COL11A1: variants seen among roughly 807,000 people sequenced by gnomAD.
COL11A1 encodes collagen type XI alpha 1 chain, also known as collagen alpha-1(XI) chain.
Under a neutral mutation model 265.2 loss-of-function variants are expected in COL11A1, and 74 were observed. That is an observed-to-expected ratio of 0.28 (90% CI 0.23 to 0.34). COL11A1 has a LOEUF of 0.34. Ranked by LOEUF, COL11A1 falls within the 10% of genes least tolerant of loss-of-function variation. The pLI, the probability that COL11A1 is intolerant of heterozygous loss-of-function variation, is 1.00. For synonymous variants in COL11A1, 816 were observed against 727.6 expected (o/e 1.12, Z -1.96); for missense variants, 2,165 against 2,263.6 (o/e 0.96, Z 0.88).
intron 4 of COL11A1, among the ~76,000 whole-genome samples, chr1:103,032,968 T>C (rs1467783632): frequency 6.6e-6 from 1 of 152,152 alleles, no homozygotes; most frequent in Non-Finnish European, 1.5e-5. Context: ...CCATCACTAC[T>C]AATTGCAGAA....
chr1:103,090,067 C>T lies in COL11A1; in HGVS notation c.107-7095G>A, dbSNP rs143936387. 7.1e-3 allele frequency among the ~76,000 whole-genome samples: 1,072 copies of T among 151,546 alleles called. 12 individuals carry two copies. Among genetic ancestry groups the T allele is most frequent in the African/African-American group, 0.024 (1,010 of 41,296 alleles). On this transcript the variant is annotated intron_variant, in intron 1 of 66. Coordinates refer to ENST00000370096, the MANE Select transcript of COL11A1 (RefSeq NM_001854.4). ...TGAACCTTGGAGGCAGAGGTTGCAG[C>T]GAGCCGAGATCACACCACTGCACTC... is the stretch of plus-strand genomic sequence containing the variant.
At chr1:103,013,001 G>A (rs968398911) in intron 13 of COL11A1, among the ~76,000 whole-genome samples, 8 of 151,950 alleles carry the variant, frequency 5.3e-5, no homozygotes, top group Non-Finnish European at 1.0e-4. Flanking sequence ...ATAATCATAC[G>A]CATAATAAAC....
chr1:103,030,427 C>T (rs1667886823), intron 5 of COL11A1, among the ~76,000 whole-genome samples: 1 of 151,916 alleles, frequency 6.6e-6, no homozygotes, highest in South Asian at 2.1e-4. Context: ...CAGTAAAACT[C>T]AAATGGTGGC....
intron 47 of COL11A1, among the ~76,000 whole-genome samples, 194 bp from the exon 48 acceptor site, chr1:102,921,765 A>T (rs530152349): frequency 8.5e-5 from 13 of 152,354 alleles, no homozygotes; most frequent in African/African-American, 3.1e-4. Flanking sequence ...CATAGCTATG[A>T]GGAAATTAGG....
chr1:102,997,803 A>G (rs1664768117), intron 25 of COL11A1, among the ~76,000 whole-genome samples: 1 of 151,972 alleles, frequency 6.6e-6, no homozygotes, highest in Admixed American at 6.6e-5. Flanking sequence ...AATAAATATT[A>G]CTATATTTCT....
At chr1:102,894,663 A>T (rs1652184925) in intron 57 of COL11A1, among the ~76,000 whole-genome samples, 5 of 152,134 alleles carry the variant, frequency 3.3e-5, no homozygotes, top group Non-Finnish European at 7.4e-5. Context: ...ACCCTAATAA[A>T]ATTATATTAT....
At chr1:102,922,427 T>C (rs1269420049) in intron 47 of COL11A1, among the ~76,000 whole-genome samples, 5 of 152,272 alleles carry the variant, frequency 3.3e-5, no homozygotes, top group East Asian at 3.9e-4. Flanking sequence ...GACGGAGTCT[T>C]GCTCTGTCGC....
rs554823134 is a variant in COL11A1 at position 103,058,602 on chromosome 1, T to C, written c.651+16016A>G. Among the ~76,000 whole-genome samples the C allele has an allele frequency of 3.3e-5, 5 of 152,232 alleles. No individual in the cohort carries two copies. In the South Asian group the frequency reaches 8.3e-4, roughly 25 times the overall value. Reference sequence around the variant, plus strand: ...GAACACTTGAACCTGTGACTCTTCCTTTCCCTTGAACACACATAGGTCATT... The same window carrying C: ...GAACACTTGAACCTGTGACTCTTCCCTTCCCTTGAACACACATAGGTCATT... On this transcript the variant is annotated intron_variant, in intron 4 of 66. Transcript: ENST00000370096.
intron 4 of COL11A1, among the ~76,000 whole-genome samples, chr1:103,052,344 G>A (rs1250536937): frequency 6.6e-6 from 1 of 152,038 alleles, no homozygotes; most frequent in Non-Finnish European, 1.5e-5. Flanking sequence ...CCTTAGTATG[G>A]TATAAAAGAC....
At chr1:103,066,465 A>G (rs969624066) in intron 4 of COL11A1, among the ~76,000 whole-genome samples, 11 of 151,610 alleles carry the variant, frequency 7.3e-5, no homozygotes, top group Non-Finnish European at 1.3e-4. Flanking sequence ...CAATTATTAT[A>G]AAAAGTATTT....
intron 23 of COL11A1, 36 bp downstream of exon 23, chr1:103,002,392 C>A (rs1412702058): frequency 1.3e-6 from 2 of 1,550,786 alleles, no homozygotes; most frequent in Admixed American, 1.8e-5. Flanking sequence ...ATCTTCCCCC[C>A]ATTATTTCAA....
chr1:102,923,218 T>C (rs966881980), intron 47 of COL11A1, 118 bp downstream of exon 47: 3 of 807,994 alleles, frequency 3.7e-6, no homozygotes, highest in Non-Finnish European at 6.0e-6. Context: ...TCATGTCAGT[T>C]GCTTATATAC....
At chr1:102,922,690 C>T (rs1419792532) in intron 47 of COL11A1, among the ~76,000 whole-genome samples, 1 of 152,272 alleles carries the variant, frequency 6.6e-6, no homozygotes, top group Non-Finnish European at 1.5e-5. Flanking sequence ...TGAGCCACCG[C>T]TCCCGGCCAG....
chr1:103,016,935 G>T (rs1571046409), intron 11 of COL11A1, among the ~76,000 whole-genome samples: 1 of 151,840 alleles, frequency 6.6e-6, no homozygotes, highest in South Asian at 2.1e-4. Context: ...GTAAAGAGAT[G>T]AATTTCTCAC....
chr1:102,922,590 G>A (rs998685829), intron 47 of COL11A1, among the ~76,000 whole-genome samples: 1 of 152,046 alleles, frequency 6.6e-6, no homozygotes, highest in East Asian at 1.9e-4. Context: ...TAGTAGAGAC[G>A]GGGTTTCACC....
chr1:103,014,269 G>A (rs1666374228), intron 13 of COL11A1, among the ~76,000 whole-genome samples: 1 of 151,936 alleles, frequency 6.6e-6, no homozygotes, highest in African/African-American at 2.4e-5. Context: ...TGTTATGGTG[G>A]GAAACTGCTA....
intron 1 of COL11A1, among the ~76,000 whole-genome samples, chr1:103,097,254 G>A (rs1673851706): frequency 6.6e-6 from 1 of 151,858 alleles, no homozygotes. Context: ...TTATGATCTT[G>A]TGTTATGTGT....
At chr1:102,935,143 A>G in intron 44 of COL11A1, 30 bp from the exon 45 acceptor site, 2 of 1,596,452 alleles carry the variant, frequency 1.3e-6, no homozygotes, top group Non-Finnish European at 1.7e-6. Context: ...AGTAATTTTT[A>G]AAGTGAAGCC....
intron 46 of COL11A1, among the ~76,000 whole-genome samples, chr1:102,929,124 T>G (rs1454255184): frequency 7.1e-6 from 1 of 141,844 alleles, no homozygotes; most frequent in Non-Finnish European, 1.5e-5. Context: ...TTTTGGCTTT[T>G]GTTGCCATTG....
Sources: allele counts gnomAD v4.1 joint callset (sites outside exome capture counted in the v4.1 genomes callset), GRCh38; gene constraint gnomAD v4.1.1; transcripts MANE v1.5; gene names NCBI Gene and HGNC (gene_info 2026-07-23, HGNC 2026-07-21).